Variants in KCNA2 observed in about 807,000 individuals in gnomAD.
KCNA2 encodes potassium voltage-gated channel subfamily A member 2.
Under a neutral mutation model 33.4 loss-of-function variants are expected in KCNA2, and 11 were observed. That is an observed-to-expected ratio of 0.33 (90% CI 0.21 to 0.55). The LOEUF is 0.55. Ranked by LOEUF, KCNA2 falls within the 20% of genes least tolerant of loss-of-function variation. The pLI is 0.93. For synonymous variants in KCNA2, 222 were observed against 231.3 expected (o/e 0.96, Z 0.37); for missense variants, 291 against 621.6 (o/e 0.47, Z 5.66).
At chr1:110,613,570 G>A (rs1649951735) in intron 1 of KCNA2, among the ~76,000 whole-genome samples, 1 of 152,162 alleles carries the variant, frequency 6.6e-6, no homozygotes, top group African/African-American at 2.4e-5. Context: ...CACAGGGCCA[G>A]CCAGGGGCTA....
intron 1 of KCNA2, among the ~76,000 whole-genome samples, chr1:110,622,173 A>T (rs1285416800): frequency 1.3e-5 from 2 of 152,186 alleles, no homozygotes; most frequent in Non-Finnish European, 2.9e-5. Flanking sequence ...AGTTTGTCAT[A>T]GAAATTCAAG....
rs746611694 is a variant in KCNA2, at chr1:110,601,497, G to A, written c.*1786C>T. ...AGGATGAACTGTAGAGAGGAGGCCCGGGGTGGGTCTGGCCCAGGACAGCTG... is the reference window on the plus strand; with the variant it reads ...AGGATGAACTGTAGAGAGGAGGCCCAGGGTGGGTCTGGCCCAGGACAGCTG... On this transcript the variant is annotated 3_prime_UTR_variant, in exon 3 of 3. Coordinates refer to ENST00000316361, the MANE Select transcript of KCNA2 (RefSeq NM_004974.4). The A allele has an allele frequency of 1.0e-6, 1 of 985,994 alleles. No individual in the cohort carries two copies. Among genetic ancestry groups the A allele is most frequent in the Non-Finnish European group, 1.2e-6 (1 of 830,358 alleles). The allele number at this position is 985,994 out of a possible 1,614,324, so 61.1% of individuals were successfully genotyped here. A position where few individuals can be genotyped will look rare whatever the true frequency, so the allele number is the denominator to read the frequency against.
At chr1:110,625,593 ATAAAT>A (rs1181363361) in intron 1 of KCNA2, among the ~76,000 whole-genome samples, 2 of 152,230 alleles carry the variant, frequency 1.3e-5, no homozygotes, top group Admixed American at 6.5e-5. Flanking sequence ...CAAAAAATTG[ATAAAT>A]TCAATTACAA....
rs572705264 is a variant in KCNA2, at chr1:110,618,542, G to A, written c.-495-12820C>T. Among the ~76,000 whole-genome samples, 9 of 152,240 alleles carry A rather than the reference G, an allele frequency of 5.9e-5. No homozygotes were observed. The East Asian group carries it at 1.5e-3, about 26-fold the overall frequency. On this transcript the variant is annotated intron_variant, in intron 1 of 4. Transcript: ENST00000369770. ...GAGGTAGGATGAGGCAGCTTGGGTG[G>A]CCCTCAGATGGGAAAAAGACCCAGG...
At chr1:110,627,342 T>C (rs929345745) in intron 1 of KCNA2, among the ~76,000 whole-genome samples, 1 of 152,196 alleles carries the variant, frequency 6.6e-6, no homozygotes, top group Non-Finnish European at 1.5e-5. Flanking sequence ...GCTTGGCACA[T>C]AGTAAGTGTT....
Position 110,604,298 on chromosome 1 carries a change from G to A in KCNA2, c.485C>T (p.Ala162Val). 1 of 1,614,114 alleles carries A rather than the reference G, an allele frequency of 6.2e-7. No homozygotes were observed. Among genetic ancestry groups the A allele is most frequent in the Non-Finnish European group, 8.5e-7 (1 of 1,180,022 alleles). ...LFEYPESSGP[A>V]RIIAIVSVMV... is the part of the protein sequence containing the mutation. ...GACAGACACAATAGCTATAATCCTGGCAGGCCCTGAGCTCTCTGGGTATTC... is the reference window on the plus strand; with the variant it reads ...GACAGACACAATAGCTATAATCCTGACAGGCCCTGAGCTCTCTGGGTATTC... The change falls in exon 3 of 3, where the codon GCC becomes GTC. Residue 162 changes from alanine to valine, a missense_variant. By Grantham distance (64) the Ala-to-Val change is moderately conservative. This residue lies in a region of KCNA2 where 163 missense variants were observed against 273.5 expected (regional missense o/e 0.60). Transcript: ENST00000316361. This position sits in a 1 kb window ranked among gnomAD's most constrained non-coding sequence, Gnocchi z 7.6.
At chr1:110,613,838 T>C (rs1319344448) in intron 1 of KCNA2, among the ~76,000 whole-genome samples, 1 of 152,176 alleles carries the variant, frequency 6.6e-6, no homozygotes, top group Non-Finnish European at 1.5e-5. Context: ...TTCATGCTCC[T>C]ATCCATCCTG....
rs1649142117 is a variant in KCNA2 at position 110,597,419 on chromosome 1, G to C, written c.*5864C>G. On this transcript the variant is annotated 3_prime_UTR_variant, in exon 3 of 3. Transcript: ENST00000316361. ...GGGCTGAAAAGGTCACACAAACTTAGGATTTTCATGCCTAGAGGTTGTAAG... is the reference window on the plus strand; with the variant it reads ...GGGCTGAAAAGGTCACACAAACTTACGATTTTCATGCCTAGAGGTTGTAAG... 2.0e-6 allele frequency: 2 copies of C among 985,294 alleles called. No homozygotes were observed. Among genetic ancestry groups the C allele is most frequent in the African/African-American group, 3.5e-5 (2 of 57,204 alleles). The allele number at this position is 985,294 out of a possible 1,614,324, so 61.0% of individuals were successfully genotyped here. A position where few individuals can be genotyped will look rare whatever the true frequency, so the allele number is the denominator to read the frequency against.
rs1024749648 is a variant in KCNA2, at chr1:110,594,783, C to T, written c.*8500G>A. On this transcript the variant is annotated 3_prime_UTR_variant, in exon 3 of 3. Coordinates refer to ENST00000316361, the MANE Select transcript of KCNA2 (RefSeq NM_004974.4). ...ACCCCCGCCAAAGCCAGCCAGGCCTCTCTTCTTGCTTTTCTATCCCATTTC... is the reference window on the plus strand; with the variant it reads ...ACCCCCGCCAAAGCCAGCCAGGCCTTTCTTCTTGCTTTTCTATCCCATTTC... 1.5e-5 allele frequency: 15 copies of T among 985,490 alleles called. No individual in the cohort carries two copies. In the African/African-American group the frequency reaches 2.3e-4, roughly 15 times the overall value. The allele number at this position is 985,490 out of a possible 1,614,324, so 61.0% of individuals were successfully genotyped here.
chr1:110,595,598 A>C lies in KCNA2; in HGVS notation c.*7685T>G, dbSNP rs1649060608. 9 of 985,408 alleles carry C rather than the reference A, an allele frequency of 9.1e-6. No homozygotes were observed. The highest frequency in any genetic ancestry group is 1.1e-5 in the Non-Finnish European group (9 of 829,958). 61.0% of individuals were successfully genotyped at this position (985,408 alleles called of 1,614,324 possible). A position where few individuals can be genotyped will look rare whatever the true frequency, so the allele number is the denominator to read the frequency against. ...GGCTGAGAGAAACTGTCTTCCATGGATCTAACACACTAGCAGGCAAGAGGG... is the reference window on the plus strand; with the variant it reads ...GGCTGAGAGAAACTGTCTTCCATGGCTCTAACACACTAGCAGGCAAGAGGG... On this transcript the variant is annotated 3_prime_UTR_variant, in exon 3 of 3. Transcript: ENST00000316361.
At chr1:110,611,649 C>T (rs1649876891) in intron 1 of KCNA2, among the ~76,000 whole-genome samples, 1 of 151,600 alleles carries the variant, frequency 6.6e-6, no homozygotes, top group Non-Finnish European at 1.5e-5. Flanking sequence ...TCATTTGAGC[C>T]CAGGAGTTTG....
rs1290755116 is a variant in KCNA2, at chr1:110,593,666, C to T, written c.*9617G>A. 1 of 392,458 alleles carries T rather than the reference C, an allele frequency of 2.5e-6. No individual in the cohort carries two copies. The highest frequency in any genetic ancestry group is 4.5e-6 in the Non-Finnish European group (1 of 223,524). The allele number at this position is 392,458 out of a possible 1,614,324, so 24.3% of individuals were successfully genotyped here. ...TAATATATATTTATATACTTATTTACTTGTGTCAATATTTACAAAAGACTG... is the reference window on the plus strand; with the variant it reads ...TAATATATATTTATATACTTATTTATTTGTGTCAATATTTACAAAAGACTG... On this transcript the variant is annotated 3_prime_UTR_variant, in exon 3 of 3. Coordinates refer to ENST00000316361, the MANE Select transcript of KCNA2 (RefSeq NM_004974.4).
chr1:110,621,841 T>C lies in KCNA2; in HGVS notation c.-496+9554A>G, dbSNP rs1352533131. Among the ~76,000 whole-genome samples the C allele has an allele frequency of 3.3e-5, 5 of 152,180 alleles. No homozygotes were observed. The East Asian group carries it at 7.7e-4, about 23-fold the overall frequency. On this transcript the variant is annotated intron_variant, in intron 1 of 4. Coordinates refer to the KCNA2 transcript ENST00000369770. ...TTATTTAAAAAATAAATATGTAGTT[T>C]AAAACCTGCTTAGTTTTAACTAATT...
upstream of KCNA2, chr1:110,607,524 G>A (rs11102137): frequency 0.24 from 35,568 of 151,292 alleles, 6,595 homozygotes; most frequent in African/African-American, 0.48. Context: ...CACCGAGCTC[G>A]TCACCTCGTT....
rs1168973771 is a variant in KCNA2, at chr1:110,602,186, G to T, written c.*1097C>A. 6.5e-6 allele frequency: 10 copies of T among 1,549,920 alleles called. No individual in the cohort carries two copies. Among genetic ancestry groups the T allele is most frequent in the Non-Finnish European group, 7.0e-6 (8 of 1,146,888 alleles). On this transcript the variant is annotated 3_prime_UTR_variant, in exon 3 of 3. Coordinates refer to ENST00000316361, the MANE Select transcript of KCNA2 (RefSeq NM_004974.4). ...GTCTGCGTTCCTGTTTAGAAGAACA[G>T]GGATAGGTAGGCTGGGGGGCCAGAA...
At chr1:110,615,174 A>G (rs942720581) in intron 1 of KCNA2, among the ~76,000 whole-genome samples, 4 of 152,190 alleles carry the variant, frequency 2.6e-5, no homozygotes, top group African/African-American at 9.7e-5. Flanking sequence ...TTCATGGCCT[A>G]AGGCACCCAA....
chr1:110,613,001 A>T (rs768843036), intron 1 of KCNA2, among the ~76,000 whole-genome samples: 13 of 152,206 alleles, frequency 8.5e-5, no homozygotes, highest in Non-Finnish European at 1.6e-4. Flanking sequence ...AAATGGGATT[A>T]ATAATGCCCA....
upstream of KCNA2, among the ~76,000 whole-genome samples, chr1:110,608,546 C>T (rs141980537): frequency 4.5e-4 from 69 of 152,290 alleles, no homozygotes; most frequent in Middle Eastern, 6.8e-3. Context: ...TCTGGCGTTT[C>T]ATCGTGGTAG....
At chr1:110,613,321 C>T (rs547544761) in intron 1 of KCNA2, among the ~76,000 whole-genome samples, 3 of 152,346 alleles carry the variant, frequency 2.0e-5, no homozygotes, top group East Asian at 3.9e-4. Flanking sequence ...TCCATCTGCA[C>T]GCAGTCTTCC....
Sources: gnomAD v4.1 joint callset for allele counts (sites outside exome capture counted in the v4.1 genomes callset) on GRCh38, gnomAD v4.1.1 for gene constraint, gnomAD v4.1.1 regional missense constraint, Gnocchi (gnomAD v3.1) non-coding constraint, MANE v1.5 for transcripts, NCBI Gene and HGNC (gene_info 2026-07-23, HGNC 2026-07-21) for gene names.